The following PPFIA1 variants were observed in gnomAD, a reference collection of about 807,000 sequenced individuals.
The protein encoded by PPFIA1 is PPFI scaffold protein A1.
Under a neutral mutation model 149.9 loss-of-function variants are expected in PPFIA1, and 25 were observed. The ratio of observed to expected loss-of-function variants is 0.17; its 90% confidence interval spans 0.12 to 0.23. The LOEUF (loss-of-function observed/expected upper bound fraction) is 0.23, where lower values mean the gene tolerates loss of function less well. Ranked by LOEUF, PPFIA1 falls within the 10% of genes least tolerant of loss-of-function variation. The pLI is 1.00. For synonymous variants in PPFIA1, 549 were observed against 552.8 expected (o/e 0.99, Z 0.10); for missense variants, 1,362 against 1,506.5 (o/e 0.90, Z 1.59).
chr11:70,301,220 CAT>C (rs2052468015), intron 2 of PPFIA1, among the ~76,000 whole-genome samples: 1 of 152,102 alleles, frequency 6.6e-6, no homozygotes, highest in Non-Finnish European at 1.5e-5. Flanking sequence ...TGAGAACTAA[CAT>C]AAAGTATCTA....
At chr11:70,302,902 AC>A (rs1282959789) in intron 2 of PPFIA1, among the ~76,000 whole-genome samples, 1 of 151,682 alleles carries the variant, frequency 6.6e-6, no homozygotes, top group Non-Finnish European at 1.5e-5. Flanking sequence ...CCACCACACC[AC>A]AGGAAGAAAT....
chr11:70,293,297 A>G (rs1264305541), intron 2 of PPFIA1, among the ~76,000 whole-genome samples: 1 of 152,166 alleles, frequency 6.6e-6, no homozygotes, highest in African/African-American at 2.4e-5. Context: ...AAACTTTTTC[A>G]CAGTGCAGAA....
intron 2 of PPFIA1, among the ~76,000 whole-genome samples, chr11:70,299,341 A>C (rs2052314740): frequency 6.6e-6 from 1 of 152,158 alleles, no homozygotes; most frequent in Non-Finnish European, 1.5e-5. Flanking sequence ...CCATAGGATA[A>C]AATGTTAATA....
Position 70,372,531 on chromosome 11 carries a change from A to G in PPFIA1, c.3096A>G (p.Lys1032=), listed in dbSNP as rs139875810. 3 of 1,613,724 alleles carry G rather than the reference A, an allele frequency of 1.9e-6. No homozygotes were observed. The Admixed American group carries it at 5.0e-5, about 27-fold the overall frequency. ...TGAGAAGGTTAAATTATGACCGGAA[A>G]GAACTGGAAAGAAAAAGAGAAGAAA... ...MCLRRLNYDR[K]ELERKREESQ... Residue 1032 remains lysine (K), a synonymous_variant, in exon 23 of 28, where the codon AAA becomes AAG. Coordinates refer to ENST00000253925, the MANE Select transcript of PPFIA1 (RefSeq NM_003626.5).
intron 14 of PPFIA1, 26 bp downstream of exon 14, chr11:70,339,332 T>C: frequency 6.3e-7 from 1 of 1,598,654 alleles, no homozygotes. Flanking sequence ...GAAATACCTC[T>C]GCTTACGTGA....
chr11:70,325,703 G>T (rs557734819), intron 5 of PPFIA1, 129 bp downstream of exon 5: 1 of 645,380 alleles, frequency 1.5e-6, no homozygotes, highest in South Asian at 1.9e-5. Flanking sequence ...AGACCGAGGC[G>T]GGCGGATCAC....
intron 2 of PPFIA1, among the ~76,000 whole-genome samples, chr11:70,290,228 T>TAA (rs34382137): frequency 1.6e-4 from 24 of 148,764 alleles, no homozygotes; most frequent in African/African-American, 5.7e-4. Flanking sequence ...AAACCTTGTG[T>TAA]AAAAAAAAAA....
intron 16 of PPFIA1, among the ~76,000 whole-genome samples, chr11:70,352,761 CG>C (rs2056139010): frequency 2.3e-5 from 2 of 88,204 alleles, no homozygotes; most frequent in African/African-American, 1.0e-4. Context: ...GGGAGGGCGG[CG>C]TGTGGAGGTG....
chr11:70,320,436 CTTTTTT>C (rs34619705), intron 2 of PPFIA1, among the ~76,000 whole-genome samples: 1 of 128,342 alleles, frequency 7.8e-6, no homozygotes, highest in South Asian at 2.4e-4. Flanking sequence ...GATGTAGCTA[CTTTTTT>C]TTTTTTTTTT....
chr11:70,372,142 T>A, intron 21 of PPFIA1, 73 bp from the exon 22 acceptor site: 1 of 1,366,146 alleles, frequency 7.3e-7, no homozygotes, highest in Non-Finnish European at 9.9e-7. Context: ...AGATTAAAAA[T>A]TCATTTTAAA....
At chr11:70,307,350 A>C (rs1173344337) in intron 2 of PPFIA1, among the ~76,000 whole-genome samples, 1 of 152,214 alleles carries the variant, frequency 6.6e-6, no homozygotes, top group Non-Finnish European at 1.5e-5. Flanking sequence ...TTAAATTATG[A>C]TTCATATTCT....
chr11:70,345,895 C>A, intron 15 of PPFIA1: 3 of 336,408 alleles, frequency 8.9e-6, no homozygotes, highest in South Asian at 4.2e-5. Context: ...TGTTCAGGTC[C>A]CGTCACACAG....
At chr11:70,282,165 G>A (rs6592522) in intron 2 of PPFIA1, among the ~76,000 whole-genome samples, 21,005 of 152,132 alleles carry the variant, frequency 0.14, 1,619 homozygotes, top group Admixed American at 0.19. Context: ...GGGAGACACA[G>A]CCCTTGGCCT....
intron 2 of PPFIA1, among the ~76,000 whole-genome samples, chr11:70,315,262 A>G (rs1435429849): frequency 6.6e-6 from 1 of 152,236 alleles, no homozygotes; most frequent in Admixed American, 6.5e-5. Context: ...GAACATGTTT[A>G]GAATTCAGTG....
Position 70,349,637 on chromosome 11 carries a change from G to A in PPFIA1, c.2163+1217G>A, listed in dbSNP as rs545940102. Among the ~76,000 whole-genome samples the A allele has an allele frequency of 9.9e-5, 15 of 152,044 alleles. 1 individual carries two copies. The East Asian group carries it at 1.7e-3, about 18-fold the overall frequency. Reference sequence around the variant, plus strand: ...TTGTTAGCCAGCATGCAATTAAATCGACGGTGAATCATTTTAGTGGCATAT... The same window carrying A: ...TTGTTAGCCAGCATGCAATTAAATCAACGGTGAATCATTTTAGTGGCATAT... On this transcript the variant is annotated intron_variant, in intron 16 of 27. Coordinates refer to ENST00000253925, the MANE Select transcript of PPFIA1 (RefSeq NM_003626.5).
intron 2 of PPFIA1, among the ~76,000 whole-genome samples, chr11:70,284,731 G>T (rs772083595): frequency 6.6e-6 from 1 of 152,124 alleles, no homozygotes; most frequent in African/African-American, 2.4e-5. Flanking sequence ...CTTTCTTGGC[G>T]GTGGGGCTAC....
At chr11:70,328,264 G>A (rs1258582017) in intron 7 of PPFIA1, among the ~76,000 whole-genome samples, 1 of 152,078 alleles carries the variant, frequency 6.6e-6, no homozygotes, top group African/African-American at 2.4e-5. Context: ...CCCAGTGTGT[G>A]TTGTTCCCCT....
At chr11:70,344,366 C>T (rs193081878) in intron 15 of PPFIA1, among the ~76,000 whole-genome samples, 52 of 152,322 alleles carry the variant, frequency 3.4e-4, no homozygotes, top group Admixed American at 2.0e-3. Context: ...GAATGAATAG[C>T]AGTGGCTGCC....
In PPFIA1 at chr11:70,270,812, G is replaced by T. The variant is rs2135948125; in HGVS notation, c.-103G>T. 6.7e-6 allele frequency: 1 copy of T among 150,062 alleles called. No individual in the cohort carries two copies. Among genetic ancestry groups the T allele is most frequent in the South Asian group, 2.1e-4 (1 of 4,806 alleles). 9.3% of individuals were successfully genotyped at this position (150,062 alleles called of 1,614,324 possible). On this transcript the variant is annotated 5_prime_UTR_variant, in exon 1 of 28. Transcript: ENST00000253925. ...CGCGGCGTGGGGCGGGCAGGCGGAC[G>T]CCGGCCGCGGGCTGCTTTCGTCGGC...
Sources: allele counts gnomAD v4.1 joint callset (sites outside exome capture counted in the v4.1 genomes callset), GRCh38; gene constraint gnomAD v4.1.1; transcripts MANE v1.5; gene names NCBI Gene and HGNC (gene_info 2026-07-23, HGNC 2026-07-21).